The following C1QTNF7 variants were observed in gnomAD, a reference collection of about 807,000 sequenced individuals.
C1QTNF7 encodes the protein C1q and TNF related 7, also known as complement C1q tumor necrosis factor-related protein 7.
In C1QTNF7, 15 loss-of-function variants were observed where a neutral mutation model predicts 19.6. That is an observed-to-expected ratio of 0.76 (90% CI 0.51 to 1.18). The LOEUF is 1.18. Among genes scored for constraint, C1QTNF7 ranks in the 50% most tolerant of loss-of-function variants. The pLI, the probability that C1QTNF7 is intolerant of heterozygous loss-of-function variation, is 0.00. For missense variants in C1QTNF7, 324 were observed against 359.7 expected, an observed-to-expected ratio of 0.90 and a Z score of 0.80; for synonymous variants, 142 against 137.5, an observed-to-expected ratio of 1.03 and a Z score of -0.23.
chr4:15,421,419 G>A (rs1711754090), intron 1 of C1QTNF7, among the ~76,000 whole-genome samples: 1 of 152,102 alleles, frequency 6.6e-6, no homozygotes, highest in Admixed American at 6.6e-5. Flanking sequence ...GATAGTCAAT[G>A]GCACTTACCA....
At chr4:15,409,808 T>C (rs777850150) in intron 1 of C1QTNF7, among the ~76,000 whole-genome samples, 2 of 152,110 alleles carry the variant, frequency 1.3e-5, no homozygotes, top group Non-Finnish European at 2.9e-5. Context: ...CTTACCAGAG[T>C]TGTTAGGCTG....
intron 1 of C1QTNF7, among the ~76,000 whole-genome samples, chr4:15,349,629 T>C (rs1041515974): frequency 3.9e-5 from 6 of 152,172 alleles, no homozygotes; most frequent in Non-Finnish European, 7.4e-5. Context: ...TCAGAGCCTT[T>C]GCAGACTTAA....
intron 1 of C1QTNF7, among the ~76,000 whole-genome samples, chr4:15,346,815 G>A (rs1443259770): frequency 2.6e-5 from 4 of 152,140 alleles, no homozygotes; most frequent in South Asian, 4.1e-4. Flanking sequence ...AGGGGCCTTT[G>A]AAGGATCTGC....
At chr4:15,414,342 GTTTC>G (rs1280367684) in intron 1 of C1QTNF7, among the ~76,000 whole-genome samples, 1 of 152,088 alleles carries the variant, frequency 6.6e-6, no homozygotes, top group East Asian at 1.9e-4. Context: ...AATGTAGAGG[GTTTC>G]TTTCTTTTTA....
chr4:15,437,847 C>T (rs1184035205), intron 2 of C1QTNF7, among the ~76,000 whole-genome samples: 4 of 152,066 alleles, frequency 2.6e-5, no homozygotes, highest in African/African-American at 7.2e-5. Context: ...AGTGGCACTC[C>T]TCTCTAAATT....
upstream of C1QTNF7, among the ~76,000 whole-genome samples, chr4:15,425,079 A>G (rs1711975340): frequency 6.6e-6 from 1 of 152,138 alleles, no homozygotes; most frequent in Non-Finnish European, 1.5e-5. Flanking sequence ...GAACAGGATG[A>G]GACACAAAGA....
At chr4:15,342,968 A>C (rs1419336297) in intron 1 of C1QTNF7, among the ~76,000 whole-genome samples, 1 of 152,222 alleles carries the variant, frequency 6.6e-6, no homozygotes, top group Non-Finnish European at 1.5e-5. Flanking sequence ...TTAAATGAAG[A>C]TAGTAATCAC....
chr4:15,380,530 A>G (rs999879817), intron 1 of C1QTNF7, among the ~76,000 whole-genome samples: 2 of 152,262 alleles, frequency 1.3e-5, no homozygotes, highest in Admixed American at 6.5e-5. Flanking sequence ...CCTTCCTCCA[A>G]GACTTTCCAT....
intron 1 of C1QTNF7, among the ~76,000 whole-genome samples, 195 bp from the exon 2 acceptor site, chr4:15,435,541 G>T (rs896824077): frequency 1.3e-5 from 2 of 152,178 alleles, no homozygotes; most frequent in African/African-American, 4.8e-5. Flanking sequence ...GGGCACTGAG[G>T]ATTCTATATC....
intron 1 of C1QTNF7, among the ~76,000 whole-genome samples, chr4:15,377,997 G>T (rs1274833392): frequency 6.6e-6 from 1 of 152,154 alleles, no homozygotes; most frequent in Non-Finnish European, 1.5e-5. Flanking sequence ...CAAAGTCCCT[G>T]CCTTTGTGGA....
chr4:15,433,317 C>T (rs193115882), intron 1 of C1QTNF7, among the ~76,000 whole-genome samples: 10 of 151,808 alleles, frequency 6.6e-5, no homozygotes, highest in African/African-American at 1.7e-4. Context: ...CACACCCAGC[C>T]TTTTTTTTCT....
chr4:15,373,070 C>A (rs905225073), intron 1 of C1QTNF7, among the ~76,000 whole-genome samples: 23 of 152,214 alleles, frequency 1.5e-4, no homozygotes, highest in Non-Finnish European at 2.2e-4. Flanking sequence ...ACTGCTATAA[C>A]AAAATACCAC....
intron 1 of C1QTNF7, among the ~76,000 whole-genome samples, chr4:15,420,855 T>TTTA (rs1553890372): frequency 1.4e-5 from 2 of 147,062 alleles, no homozygotes; most frequent in Admixed American, 6.8e-5. Context: ...TTTTTTTTTT[T>TTTA]ACCAAACCTC....
chr4:15,371,796 A>T (rs1263636029), intron 1 of C1QTNF7, among the ~76,000 whole-genome samples: 1 of 152,114 alleles, frequency 6.6e-6, no homozygotes, highest in Admixed American at 6.6e-5. Flanking sequence ...GCAGGAAGAG[A>T]ACATTCCAGG....
intron 1 of C1QTNF7, among the ~76,000 whole-genome samples, chr4:15,392,914 G>T (rs561026783): frequency 9.2e-5 from 14 of 152,258 alleles, no homozygotes; most frequent in African/African-American, 3.4e-4. Flanking sequence ...TGCAATAAAA[G>T]CCCAGGAACA....
intron 2 of C1QTNF7, among the ~76,000 whole-genome samples, chr4:15,440,494 G>A (rs1471449252): frequency 2.7e-5 from 4 of 148,862 alleles, no homozygotes; most frequent in Admixed American, 1.4e-4. Context: ...TGCAACCTCC[G>A]CCTCCCGGGT....
At chr4:15,417,701 A>G (rs1489932162) in intron 1 of C1QTNF7, among the ~76,000 whole-genome samples, 1 of 152,180 alleles carries the variant, frequency 6.6e-6, no homozygotes, top group Non-Finnish European at 1.5e-5. Flanking sequence ...AGGCTGCAGT[A>G]AGCCATGATC....
At chr4:15,427,176 A>G (rs1712088790), upstream of C1QTNF7, among the ~76,000 whole-genome samples, 2 of 152,210 alleles carry the variant, frequency 1.3e-5, no homozygotes, top group Admixed American at 6.5e-5. Flanking sequence ...CATCCACTTC[A>G]CTAACTCTGG....
chr4:15,417,844 G>T (rs1195126640), intron 1 of C1QTNF7, among the ~76,000 whole-genome samples: 1 of 152,252 alleles, frequency 6.6e-6, no homozygotes, highest in South Asian at 2.1e-4. Context: ...GGAGGAAATG[G>T]GCCACATGGA....
Sources: allele counts gnomAD v4.1 joint callset (sites outside exome capture counted in the v4.1 genomes callset), GRCh38; gene constraint gnomAD v4.1.1; transcripts MANE v1.5; gene names NCBI Gene and HGNC (gene_info 2026-07-23, HGNC 2026-07-21).